The following CNTNAP2 variants were observed in gnomAD, a reference collection of about 807,000 sequenced individuals.
CNTNAP2 encodes contactin associated protein 2.
Under a neutral mutation model 155.2 loss-of-function variants are expected in CNTNAP2, and 98 were observed. The ratio of observed to expected loss-of-function variants is 0.63; its 90% CI spans 0.54 to 0.75. The LOEUF is 0.75. Among genes scored for constraint, CNTNAP2 ranks in the 30% least tolerant of loss-of-function variants. CNTNAP2 has a pLI of 0.00. For synonymous variants in CNTNAP2, 651 were observed against 631.2 expected (o/e 1.03, Z -0.47); for missense variants, 1,727 against 1,688.1 (o/e 1.02, Z -0.40).
chr7:146,677,341 G>A (rs555853509), intron 1 of CNTNAP2, among the ~76,000 whole-genome samples: 2 of 152,188 alleles, frequency 1.3e-5, no homozygotes, highest in African/African-American at 2.4e-5. Context: ...TAGAGACCAA[G>A]GTTTGATCAT....
chr7:148,220,020 T>A (rs1302408307), intron 19 of CNTNAP2, among the ~76,000 whole-genome samples: 1 of 152,222 alleles, frequency 6.6e-6, no homozygotes, highest in African/African-American at 2.4e-5. Flanking sequence ...AAAAGTATGT[T>A]CCCTAGTATT....
chr7:148,117,660 GC>G (rs963897736), intron 15 of CNTNAP2, among the ~76,000 whole-genome samples: 1 of 152,046 alleles, frequency 6.6e-6, no homozygotes, highest in Non-Finnish European at 1.5e-5. Flanking sequence ...GTTCAAAACA[GC>G]CCCCACCCAC....
intron 13 of CNTNAP2, among the ~76,000 whole-genome samples, chr7:147,894,537 G>A (rs28407458): frequency 0.039 from 5,947 of 152,198 alleles, 368 homozygotes; most frequent in African/African-American, 0.14. Context: ...CAGCTGAAGA[G>A]CCCCCAGGGA....
At chr7:146,978,185 T>A (rs897917433) in intron 3 of CNTNAP2, among the ~76,000 whole-genome samples, 8 of 152,176 alleles carry the variant, frequency 5.3e-5, no homozygotes, top group Non-Finnish European at 1.0e-4. Flanking sequence ...TTTGAGATAA[T>A]TTGACTATTT....
intron 3 of CNTNAP2, among the ~76,000 whole-genome samples, chr7:147,018,455 A>G (rs1396679770): frequency 6.6e-6 from 1 of 152,084 alleles, no homozygotes; most frequent in Non-Finnish European, 1.5e-5. Flanking sequence ...TATTGCATAA[A>G]TTACTAGGGT....
At chr7:147,655,265 G>C (rs1795508556) in intron 13 of CNTNAP2, among the ~76,000 whole-genome samples, 1 of 152,128 alleles carries the variant, frequency 6.6e-6, no homozygotes, top group Non-Finnish European at 1.5e-5. Flanking sequence ...TGGGATTACA[G>C]ACACATGCCA....
intron 13 of CNTNAP2, among the ~76,000 whole-genome samples, chr7:147,674,455 G>T (rs981027739): frequency 5.3e-5 from 8 of 152,098 alleles, no homozygotes; most frequent in Non-Finnish European, 1.0e-4. Flanking sequence ...GCAATGAAAA[G>T]ACATATTATT....
intron 13 of CNTNAP2, among the ~76,000 whole-genome samples, chr7:147,717,483 G>T (rs1459132166): frequency 6.6e-6 from 1 of 152,096 alleles, no homozygotes; most frequent in African/African-American, 2.4e-5. Flanking sequence ...TTCAGAGGAG[G>T]GAAATAGCAG....
At chr7:147,769,679 C>T (rs901446438) in intron 13 of CNTNAP2, among the ~76,000 whole-genome samples, 6 of 152,094 alleles carry the variant, frequency 3.9e-5, no homozygotes, top group African/African-American at 1.2e-4. Flanking sequence ...TTTTTCTCCA[C>T]AAGATATCTA....
chr7:147,954,508 A>C lies in CNTNAP2; in HGVS notation c.2256-23354A>C, dbSNP rs570412657. Among the ~76,000 whole-genome samples the C allele has an allele frequency of 2.6e-5, 4 of 152,210 alleles. No individual in the cohort carries two copies. In the South Asian group the frequency reaches 8.3e-4, roughly 32 times the overall value. On this transcript the variant is annotated intron_variant, in intron 14 of 23. Coordinates refer to ENST00000361727, the MANE Select transcript of CNTNAP2 (RefSeq NM_014141.6). ...TTACTGAAAGATGATGACATAAAGC[A>C]GTAGGATTTATCATTTTTTGTAAGT...
At chr7:148,013,689 T>C (rs1203690397) in intron 15 of CNTNAP2, among the ~76,000 whole-genome samples, 1 of 152,204 alleles carries the variant, frequency 6.6e-6, no homozygotes, top group African/African-American at 2.4e-5. Flanking sequence ...GCCTAATCAA[T>C]TTGTATCCAT....
At chr7:146,655,956 T>A (rs948300354) in intron 1 of CNTNAP2, among the ~76,000 whole-genome samples, 1 of 152,232 alleles carries the variant, frequency 6.6e-6, no homozygotes, top group Non-Finnish European at 1.5e-5. Flanking sequence ...TGGGATAGGT[T>A]TTGTTTGGGT....
chr7:148,335,224 C>T (rs1798098046), intron 21 of CNTNAP2, among the ~76,000 whole-genome samples: 1 of 152,196 alleles, frequency 6.6e-6, no homozygotes, highest in South Asian at 2.1e-4. Context: ...GGCCAACCCA[C>T]TCTAATCCCA....
At chr7:147,572,918 C>T (rs1441600628) in intron 12 of CNTNAP2, among the ~76,000 whole-genome samples, 3 of 152,026 alleles carry the variant, frequency 2.0e-5, no homozygotes, top group Non-Finnish European at 4.4e-5. Flanking sequence ...CCTTTTATTT[C>T]TTCTGAGGAT....
chr7:146,146,238 T>C (rs975817491), intron 1 of CNTNAP2, among the ~76,000 whole-genome samples: 1 of 152,210 alleles, frequency 6.6e-6, no homozygotes, highest in African/African-American at 2.4e-5. Context: ...ATTTTTATTA[T>C]GCAAACATCA....
chr7:146,974,438 T>TA (rs71165056), intron 3 of CNTNAP2, among the ~76,000 whole-genome samples: 35,052 of 149,638 alleles, frequency 0.23, 5,067 homozygotes, highest in Non-Finnish European at 0.32. Context: ...AACTCCGTCT[T>TA]AAAAAAAAAT....
chr7:147,209,757 C>G (rs547440474), intron 8 of CNTNAP2, among the ~76,000 whole-genome samples: 10 of 151,942 alleles, frequency 6.6e-5, no homozygotes, highest in Admixed American at 1.3e-4. Flanking sequence ...AGGTATGTTC[C>G]TTTGATGCCT....
intron 22 of CNTNAP2, among the ~76,000 whole-genome samples, chr7:148,385,735 GGTTTT>G (rs1348368855): frequency 8.3e-6 from 1 of 119,792 alleles, no homozygotes; most frequent in Non-Finnish European, 1.6e-5. Flanking sequence ...GAGTGTGACA[GGTTTT>G]TTTTTTTTTT....
intron 4 of CNTNAP2, among the ~76,000 whole-genome samples, chr7:147,049,884 A>G (rs372855737): frequency 3.9e-5 from 6 of 152,260 alleles, no homozygotes; most frequent in African/African-American, 1.4e-4. Flanking sequence ...TCACTTTGTC[A>G]TCTGAGAAAT....
Sources: allele counts gnomAD v4.1 joint callset (sites outside exome capture counted in the v4.1 genomes callset), GRCh38; gene constraint gnomAD v4.1.1; transcripts MANE v1.5; gene names NCBI Gene and HGNC (gene_info 2026-07-23, HGNC 2026-07-21).